Variants in CCDC93 observed in about 807,000 individuals in gnomAD.
The protein encoded by CCDC93 is CCC complex scaffolding subunit CCDC93, also known as coiled-coil domain-containing protein 93.
A neutral mutation model predicts 108.2 loss-of-function variants in CCDC93; 61 were observed. The observed-to-expected ratio is 0.56, with a 90% CI of 0.46 to 0.70. The LOEUF is 0.70. CCDC93 is among the 30% of genes least tolerant of loss of function. The pLI is 0.00. For missense variants in CCDC93, 685 were observed against 764.2 expected, an observed-to-expected ratio of 0.90 and a Z score of 1.22; for synonymous variants, 276 against 260.4, an observed-to-expected ratio of 1.06 and a Z score of -0.58.
chr2:117,940,863 GA>G (rs1678679097), intron 19 of CCDC93, among the ~76,000 whole-genome samples: 1 of 152,234 alleles, frequency 6.6e-6, no homozygotes, highest in African/African-American at 2.4e-5. Flanking sequence ...CTGATCTCTA[GA>G]CACCAGGGTC....
Position 117,945,556 on chromosome 2 carries a change from A to T in CCDC93, c.1323T>A (p.Gly441=), listed in dbSNP as rs1250276896. 1.2e-6 allele frequency: 2 copies of T among 1,614,016 alleles called. No individual in the cohort carries two copies. ...EKTLSSGEPP[G]TLTSAMTHDE... is the part of the protein sequence containing the mutation. ...CATGAGTCATTGCAGAGGTCAAGGTACCAGGCGGCTCTCCACTGGAGAGGG... is the reference window on the plus strand; with the variant it reads ...CATGAGTCATTGCAGAGGTCAAGGTTCCAGGCGGCTCTCCACTGGAGAGGG... The change falls in exon 17 of 24, where the codon GGT becomes GGA. Residue 441 remains glycine (G), a synonymous_variant. Transcript: ENST00000376300.
chr2:118,001,748 C>A (rs1475083850), intron 3 of CCDC93, among the ~76,000 whole-genome samples: 3 of 152,156 alleles, frequency 2.0e-5, no homozygotes, highest in Non-Finnish European at 2.9e-5. Context: ...TCAGCCTGAG[C>A]TGGGGTAGGA....
chr2:117,972,067 C>T (rs904260042), intron 11 of CCDC93, among the ~76,000 whole-genome samples: 15 of 152,166 alleles, frequency 9.9e-5, no homozygotes, highest in Admixed American at 9.8e-4. Context: ...TGTACGGAAC[C>T]CACATATATG....
At position 117,918,576 on chromosome 2, in the gene CCDC93, G is replaced by A. The variant is rs556262970; in HGVS notation, c.*1767C>T. ...ACTGCTCACAAAGTTCAGTTAGCCA[G>A]GGGTGGGCCTACAAGCTGCTTAACA... On this transcript the variant is annotated 3_prime_UTR_variant, in exon 24 of 24. Transcript: ENST00000376300. 1 of 152,348 alleles carries A rather than the reference G, an allele frequency of 6.6e-6. No homozygotes were observed. Among genetic ancestry groups the A allele is most frequent in the African/African-American group, 2.4e-5 (1 of 41,574 alleles). The allele number at this position is 152,348 out of a possible 1,614,324, so 9.4% of individuals were successfully genotyped here. A position where few individuals can be genotyped will look rare whatever the true frequency, so the allele number is the denominator to read the frequency against.
Position 118,006,786 on chromosome 2 carries a change from T to A in CCDC93, c.187A>T (p.Thr63Ser). 1.9e-6 allele frequency: 3 copies of A among 1,611,546 alleles called. No individual in the cohort carries two copies. Among genetic ancestry groups the A allele is most frequent in the Non-Finnish European group, 2.5e-6 (3 of 1,177,638 alleles). ...VVGGMTWCIT[T>S]CNFDVDVDLL... Reference sequence around the variant, plus strand: ...TCAACATCTACATCAAAGTTGCAAGTGGTGATACACCAAGTCATTCCTCCT... The same window carrying A: ...TCAACATCTACATCAAAGTTGCAAGAGGTGATACACCAAGTCATTCCTCCT... The change falls in exon 3 of 24, where the codon ACT (threonine) becomes TCT (serine). Residue 63 changes from threonine to serine, a missense_variant. Thr to Ser is a moderately conservative substitution (Grantham distance 58). Transcript: ENST00000376300.
In CCDC93 at chr2:117,936,723, G is replaced by C; in HGVS notation, c.1622C>G (p.Ser541Ter). 3 of 1,613,468 alleles carry C rather than the reference G, an allele frequency of 1.9e-6. No homozygotes were observed. The highest frequency in any genetic ancestry group is 2.5e-6 in the Non-Finnish European group (3 of 1,179,380). The change falls in exon 21 of 24, where the codon TCA becomes TGA. Residue 541 changes from serine (S) to a stop codon, truncating the protein, a stop_gained. Transcript: ENST00000376300. LOFTEE classifies it high-confidence loss of function. ...TTACTGTGAGAAGTTCTCATGAATT[G>C]AGTTCAGCAGACTAATCTGGGGAAG... The part of the protein sequence containing the change: ...YLEKEISLLN[S>*]IHENFSQAMA...
intron 11 of CCDC93, among the ~76,000 whole-genome samples, chr2:117,963,824 G>A (rs1679469055): frequency 1.3e-5 from 2 of 152,182 alleles, no homozygotes; most frequent in African/African-American, 4.8e-5. Context: ...CTTAAGTGAT[G>A]TTCCAATTAT....
intron 12 of CCDC93, among the ~76,000 whole-genome samples, chr2:117,954,522 C>A (rs919296677): frequency 6.6e-6 from 1 of 152,120 alleles, no homozygotes; most frequent in East Asian, 1.9e-4. Context: ...TTGCTGGAGT[C>A]CTCCAGGATT....
At chr2:117,927,120 C>G (rs1678139349) in intron 23 of CCDC93, among the ~76,000 whole-genome samples, 2 of 152,060 alleles carry the variant, frequency 1.3e-5, no homozygotes, top group Non-Finnish European at 2.9e-5. Flanking sequence ...GGATATATCT[C>G]AAAATAATAA....
At chr2:117,940,980 G>A (rs2104729251) in intron 19 of CCDC93, among the ~76,000 whole-genome samples, 1 of 152,276 alleles carries the variant, frequency 6.6e-6, no homozygotes, top group South Asian at 2.1e-4. Flanking sequence ...GAGCTCAACT[G>A]GTTCAACTAT....
At chr2:117,978,695 C>A (rs757319027) in intron 7 of CCDC93, among the ~76,000 whole-genome samples, 1 of 152,120 alleles carries the variant, frequency 6.6e-6, no homozygotes, top group African/African-American at 2.4e-5. Context: ...AAAGTTAATG[C>A]AAACATTTAA....
At chr2:118,012,203 G>A (rs1249029502) in intron 1 of CCDC93, among the ~76,000 whole-genome samples, 1 of 151,934 alleles carries the variant, frequency 6.6e-6, no homozygotes, top group Non-Finnish European at 1.5e-5. Context: ...GAACCTGGGA[G>A]GCAGAGGTTG....
At chr2:118,000,550 A>T (rs1680813100) in intron 4 of CCDC93, among the ~76,000 whole-genome samples, 1 of 152,220 alleles carries the variant, frequency 6.6e-6, no homozygotes, top group Admixed American at 6.5e-5. Context: ...ATACCAGGCT[A>T]CAGAGTTCTG....
At chr2:117,935,726 T>G in intron 21 of CCDC93, 147 bp from the exon 22 acceptor site, 1 of 468,952 alleles carries the variant, frequency 2.1e-6, no homozygotes. Context: ...CGGGGGCCCC[T>G]GGGATCCCAG....
At chr2:118,012,182 A>C (rs146648297) in intron 1 of CCDC93, among the ~76,000 whole-genome samples, 78 of 152,232 alleles carry the variant, frequency 5.1e-4, no homozygotes, top group African/African-American at 1.7e-3. Flanking sequence ...CCTGAGGCAT[A>C]AGAATTGCTT....
intron 6 of CCDC93, 81 bp downstream of exon 6, chr2:117,995,365 G>A (rs1176074643): frequency 1.8e-6 from 2 of 1,088,652 alleles, no homozygotes; most frequent in South Asian, 2.6e-5. Flanking sequence ...GAAGCCTCAG[G>A]AGCAGCGCTT....
intron 19 of CCDC93, among the ~76,000 whole-genome samples, chr2:117,940,006 G>C (rs564761512): frequency 6.6e-6 from 1 of 152,296 alleles, no homozygotes; most frequent in South Asian, 2.1e-4. Context: ...AAGTATTACA[G>C]CTTTTAGAGT....
intron 2 of CCDC93, among the ~76,000 whole-genome samples, chr2:118,007,977 T>C (rs1676923964): frequency 6.6e-6 from 1 of 152,220 alleles, no homozygotes; most frequent in Non-Finnish European, 1.5e-5. Context: ...ATTTATTCTG[T>C]GCATGTTGAT....
intron 11 of CCDC93, among the ~76,000 whole-genome samples, chr2:117,962,784 C>A (rs1679437730): frequency 6.6e-6 from 1 of 152,084 alleles, no homozygotes; most frequent in Non-Finnish European, 1.5e-5. Context: ...GTATATGTAC[C>A]CACTGAAGTT....
Sources: gnomAD v4.1 joint callset for allele counts (sites outside exome capture counted in the v4.1 genomes callset) on GRCh38, gnomAD v4.1.1 for gene constraint, MANE v1.5 for transcripts, NCBI Gene and HGNC (gene_info 2026-07-23, HGNC 2026-07-21) for gene names.